Variants in AFDN observed in about 807,000 individuals in gnomAD.
AFDN encodes the protein afadin, adherens junction formation factor.
In AFDN, 68 loss-of-function variants were observed where a neutral mutation model predicts 216.6. That is an observed-to-expected ratio of 0.31 (90% CI 0.26 to 0.38). The LOEUF (loss-of-function observed/expected upper bound fraction) is 0.38. AFDN is among the 10% of genes least tolerant of loss of function. AFDN has a pLI of 1.00. For missense variants in AFDN, 2,136 were observed against 2,342.0 expected (o/e 0.91, Z 1.82); for synonymous variants, 868 against 853.7 (o/e 1.02, Z -0.29).
intron 1 of AFDN, among the ~76,000 whole-genome samples, chr6:167,829,341 T>C (rs922451469): frequency 6.6e-6 from 1 of 152,196 alleles, no homozygotes; most frequent in Non-Finnish European, 1.5e-5. Context: ...ATTTAACATA[T>C]TGTATCTTTT....
intron 1 of AFDN, among the ~76,000 whole-genome samples, chr6:167,834,845 GGTGGCACATACCT>G (rs1319828946): frequency 6.6e-6 from 1 of 151,892 alleles, no homozygotes; most frequent in Non-Finnish European, 1.5e-5. Flanking sequence ...TAACAAGCAG[GGTGGCACATACCT>G]GTGTTCCCAG....
rs761480051 is a variant in AFDN, at chr6:167,872,225, T to C, written c.426T>C (p.Ser142=). 1 of 1,610,604 alleles carries C rather than the reference T, an allele frequency of 6.2e-7. No homozygotes were observed. Among genetic ancestry groups the C allele is most frequent in the Non-Finnish European group, 8.5e-7 (1 of 1,179,202 alleles). ...NDAIPPKKAQ[S]NGPEKQEKEG... ...GTTACTTTCATCAGAAGGCTCAAAG[T>C]AATGGACCTGAAAAGCAGGAAAAAG... The change falls in exon 4 of 34, where the codon AGT becomes AGC. Residue 142 remains serine (S), a synonymous_variant. Transcript: ENST00000683244.
At chr6:167,940,974 G>T in intron 23 of AFDN, among the ~76,000 whole-genome samples, 1 of 18,838 alleles carries the variant, frequency 5.3e-5, no homozygotes, top group Non-Finnish European at 8.8e-5. Context: ...GGTGAGGGTG[G>T]AAACCATCCA....
At chr6:167,841,503 T>TA (rs553884388) in intron 1 of AFDN, among the ~76,000 whole-genome samples, 207 of 152,032 alleles carry the variant, frequency 1.4e-3, no homozygotes, top group Middle Eastern at 3.4e-3. Context: ...AAAAAAAAAA[T>TA]ACTGTACAAC....
Position 167,911,267 on chromosome 6 carries a change from T to C in AFDN, c.1832-17T>C. On this transcript the variant is annotated splice_polypyrimidine_tract_variant and intron_variant, in intron 14 of 33. Transcript: ENST00000683244. ...TTCTTTTTTCCTTTTTTCTTTGTTT[T>C]TGAAATCTTTCCACAGCTGAAGATT... 1 of 1,609,870 alleles carries C rather than the reference T, an allele frequency of 6.2e-7. No individual in the cohort carries two copies. Among genetic ancestry groups the C allele is most frequent in the South Asian group, 1.1e-5 (1 of 90,530 alleles).
At chr6:167,835,731 A>G (rs965994256) in intron 1 of AFDN, among the ~76,000 whole-genome samples, 32 of 152,224 alleles carry the variant, frequency 2.1e-4, no homozygotes, top group African/African-American at 7.7e-4. Context: ...GCAAATTCCA[A>G]CAAAATGAGA....
chr6:167,856,799 G>A (rs1036401139), intron 1 of AFDN, among the ~76,000 whole-genome samples: 5 of 152,028 alleles, frequency 3.3e-5, no homozygotes, highest in African/African-American at 1.2e-4. Flanking sequence ...TTGTGAAAAA[G>A]GAGTGTTTTA....
chr6:167,836,489 C>T (rs933461368), intron 1 of AFDN, among the ~76,000 whole-genome samples: 3 of 152,002 alleles, frequency 2.0e-5, no homozygotes, highest in Non-Finnish European at 4.4e-5. Context: ...AGACCAATCA[C>T]GCACATATGG....
At chr6:167,968,893 C>T (rs1216616030) in intron 32 of AFDN, 1 of 506,412 alleles carries the variant, frequency 2.0e-6, no homozygotes, top group Non-Finnish European at 3.6e-6. Flanking sequence ...GGCGTCAGGT[C>T]AACATTTTAG....
intron 4 of AFDN, 97 bp downstream of exon 4, chr6:167,872,474 G>T (rs1387008674): frequency 4.6e-6 from 6 of 1,311,654 alleles, no homozygotes; most frequent in Non-Finnish European, 6.4e-6. Flanking sequence ...ATTATGGAAA[G>T]GATGAGTATC....
At chr6:167,872,007 G>T (rs964838953) in intron 3 of AFDN, among the ~76,000 whole-genome samples, 1 of 152,166 alleles carries the variant, frequency 6.6e-6, no homozygotes, top group Non-Finnish European at 1.5e-5. Flanking sequence ...GATCTTGAGT[G>T]TGCAGTTCAA....
chr6:167,904,421 G>T (rs1193163192), intron 12 of AFDN, among the ~76,000 whole-genome samples: 1 of 152,020 alleles, frequency 6.6e-6, no homozygotes, highest in African/African-American at 2.4e-5. Context: ...TGTTGCCCAG[G>T]CTGGTCTTGA....
At position 167,951,563 on chromosome 6, in the gene AFDN, G is replaced by T; in HGVS notation, c.4209G>T (p.Gln1403His). The T allele has an allele frequency of 6.2e-7, 1 of 1,614,006 alleles. No homozygotes were observed. The highest frequency in any genetic ancestry group is 2.2e-5 in the East Asian group (1 of 44,870). ...LPLPPPPSANQIGLPSAQVAA... is the reference protein window; with the variant it reads ...LPLPPPPSANHIGLPSAQVAA... ...TCCCACCACCCCCTTCCGCCAACCA[G>T]ATAGGGCTGCCGTCTGCGCAGGTGG... is the stretch of plus-strand genomic sequence containing the variant. The change falls in exon 30 of 34, where the codon CAG becomes CAT. Residue 1403 changes from glutamine (Q) to histidine (H), a missense_variant. Physicochemically the swap from Gln to His is conservative, Grantham distance 24. Around this residue, in one of 8 missense-constraint regions of AFDN, gnomAD observed 981 missense variants for 966.0 expected, o/e 1.02. Coordinates refer to ENST00000683244, the MANE Select transcript of AFDN (RefSeq NM_001386888.1). The surrounding 1 kb of genome is among the most constrained non-coding windows in gnomAD (Gnocchi z 7.1).
In AFDN at chr6:167,914,374, T is replaced by C. The variant is rs1583389715; in HGVS notation, c.2204+61T>C. The C allele has an allele frequency of 5.1e-6, 8 of 1,570,938 alleles. No homozygotes were observed. In the East Asian group the frequency reaches 6.7e-5, roughly 13 times the overall value. ...AATAATTAAGTCATTTGTTTTCTTA[T>C]TCAGTTTTCCAAACTAATTTTAAGA... On this transcript the variant is annotated intron_variant, in intron 17 of 33. Coordinates refer to ENST00000683244, the MANE Select transcript of AFDN (RefSeq NM_001386888.1).
intron 5 of AFDN, among the ~76,000 whole-genome samples, chr6:167,878,607 GTC>G (rs10677317): frequency 6.7e-5 from 10 of 149,182 alleles, no homozygotes; most frequent in Admixed American, 2.0e-4. Context: ...CTCTCTCTCT[GTC>G]TCTCTCTCTC....
rs1788430722 is a variant in AFDN at position 167,897,642 on chromosome 6, C to CTTTGTTTT, written c.1318-560_1318-559insGTTTTTTT. ...AATATTGGTTAAGATGACTGTATGC[C>CTTTGTTTT]TTTTTTTTTTTTTTTTTTTTTTTTT... is the stretch of plus-strand genomic sequence containing the variant. On this transcript the variant is annotated intron_variant, in intron 10 of 33. Transcript: ENST00000683244. Among the ~76,000 whole-genome samples, 11 of 89,750 alleles carry CTTTGTTTT rather than the reference C, an allele frequency of 1.2e-4. No homozygotes were observed. In the South Asian group the frequency reaches 4.2e-3, roughly 34 times the overall value. 58.9% of individuals were successfully genotyped at this position (89,750 alleles called of 152,430 possible).
At chr6:167,907,395 A>AC in intron 13 of AFDN, 106 bp downstream of exon 13, 1 of 813,516 alleles carries the variant, frequency 1.2e-6, no homozygotes, top group Non-Finnish European at 2.0e-6. Flanking sequence ...ACATGTTTAC[A>AC]ATGTTAGCAA....
intron 23 of AFDN, among the ~76,000 whole-genome samples, 173 bp downstream of exon 23, chr6:167,925,264 C>T (rs1792364861): frequency 6.6e-6 from 1 of 152,190 alleles, no homozygotes; most frequent in Non-Finnish European, 1.5e-5. Context: ...AGTGTGCTCA[C>T]TGGGCCCAAT....
chr6:167,892,421 C>A (rs1008055302), intron 8 of AFDN, among the ~76,000 whole-genome samples: 1 of 152,102 alleles, frequency 6.6e-6, no homozygotes, highest in African/African-American at 2.4e-5. Flanking sequence ...ATTTTTTAGG[C>A]TCTTTTTTGG....
Sources: allele counts gnomAD v4.1 joint callset (sites outside exome capture counted in the v4.1 genomes callset), GRCh38; gene constraint gnomAD v4.1.1; regional missense constraint gnomAD v4.1.1; non-coding constraint Gnocchi (gnomAD v3.1); transcripts MANE v1.5; gene names NCBI Gene and HGNC (gene_info 2026-07-23, HGNC 2026-07-21).